CPSF6: variants seen among roughly 807,000 people sequenced by gnomAD.
The protein encoded by CPSF6 is cleavage and polyadenylation specificity factor subunit 6.
A neutral mutation model predicts 56.7 loss-of-function variants in CPSF6; 10 were observed. That is an observed-to-expected ratio of 0.18 (90% CI 0.11 to 0.30). The LOEUF (loss-of-function observed/expected upper bound fraction) is 0.30. Ranked by LOEUF, CPSF6 falls within the 10% of genes least tolerant of loss-of-function variation. The pLI, the probability that CPSF6 is intolerant of heterozygous loss-of-function variation, is 1.00. For synonymous variants in CPSF6, 248 were observed against 244.8 expected, an observed-to-expected ratio of 1.01 and a Z score of -0.12; for missense variants, 419 against 722.9, an observed-to-expected ratio of 0.58 and a Z score of 4.82.
intron 9 of CPSF6, among the ~76,000 whole-genome samples, chr12:69,268,720 C>T (rs1050094316): frequency 6.6e-5 from 10 of 151,670 alleles, no homozygotes; most frequent in African/African-American, 2.2e-4. Flanking sequence ...CTGAAGTTTG[C>T]ATATATATGT....
chr12:69,267,425 A>T (rs182431092), intron 9 of CPSF6, among the ~76,000 whole-genome samples: 9 of 152,100 alleles, frequency 5.9e-5, no homozygotes, highest in African/African-American at 1.9e-4. Context: ...TTGTTTTAAC[A>T]TCTGTTTACA....
At chr12:69,256,874 A>C (rs1158082578) in intron 4 of CPSF6, 32 bp downstream of exon 4, 2 of 1,559,384 alleles carry the variant, frequency 1.3e-6, no homozygotes, top group Non-Finnish European at 8.7e-7. Context: ...TTATTAAAAT[A>C]TGTACATTTT....
chr12:69,239,843 C>A, intron 1 of CPSF6, 137 bp downstream of exon 1: 1 of 721,210 alleles, frequency 1.4e-6, no homozygotes, highest in Non-Finnish European at 1.9e-6. Flanking sequence ...CGCCGCCGAC[C>A]CCTGGCGTGG....
intron 9 of CPSF6, among the ~76,000 whole-genome samples, chr12:69,266,407 T>A (rs1872986097): frequency 6.6e-6 from 1 of 152,196 alleles, no homozygotes. Context: ...GGATGTATAG[T>A]GTGTTTTGCT....
rs74985195 is a variant in CPSF6, at chr12:69,241,956, T to C, written c.60+2250T>C. 7.1e-3 allele frequency among the ~76,000 whole-genome samples: 1,080 copies of C among 151,858 alleles called. 21 individuals carry two copies. Among genetic ancestry groups the C allele is most frequent in the African/African-American group, 0.024 (1,008 of 41,416 alleles). The stretch of plus-strand genomic sequence containing the variant: ...AAAAAAAAAGGTCACAAAAGGATAG[T>C]TGGTTATTTTCAGAGCTTATCTTGT... On this transcript the variant is annotated intron_variant, in intron 1 of 9. Transcript: ENST00000435070.
chr12:69,245,913 CCT>C (rs1388258214), intron 1 of CPSF6, among the ~76,000 whole-genome samples: 15 of 152,106 alleles, frequency 9.9e-5, no homozygotes, highest in African/African-American at 2.9e-4. Flanking sequence ...TGGCGAAACC[CCT>C]GTCTCTACTA....
In CPSF6 at chr12:69,259,419, G is replaced by T; in HGVS notation, c.1200-9G>T. On this transcript the variant is annotated splice_polypyrimidine_tract_variant and intron_variant, in intron 6 of 9. Transcript: ENST00000435070. ...AGTATGAGTTAAGGTTTATGTTTTT[G>T]TTTTACAGGGAAATGGATACTGCAA... is the stretch of plus-strand genomic sequence containing the variant. The T allele has an allele frequency of 6.2e-7, 1 of 1,608,602 alleles. No individual in the cohort carries two copies. Among genetic ancestry groups the T allele is most frequent in the South Asian group, 1.1e-5 (1 of 90,086 alleles).
At chr12:69,259,280 TG>T (rs1453654407) in intron 6 of CPSF6, 147 bp from the exon 7 acceptor site, 104 of 1,274,772 alleles carry the variant, frequency 8.2e-5, no homozygotes, top group Admixed American at 1.1e-4. Context: ...TTCTCTTTGT[TG>T]GAAAAGTAGC....
At position 69,273,057 on chromosome 12, in the gene CPSF6, C is replaced by T. The variant is rs917783479; in HGVS notation, c.*3549C>T. ...CCTTACATATGGCATTCCTTGTGTT[C>T]GTAATGTGAGATTTTTGATTTAGAT... On this transcript the variant is annotated 3_prime_UTR_variant, in exon 10 of 10. Coordinates refer to ENST00000435070, the MANE Select transcript of CPSF6 (RefSeq NM_007007.3). The T allele has an allele frequency of 2.7e-5, 8 of 298,140 alleles. No individual in the cohort carries two copies. Among genetic ancestry groups the T allele is most frequent in the South Asian group, 1.7e-4 (5 of 30,234 alleles). The allele number at this position is 298,140 out of a possible 1,614,324, so 18.5% of individuals were successfully genotyped here.
intron 1 of CPSF6, among the ~76,000 whole-genome samples, chr12:69,247,068 ATACAG>A (rs1242602589): frequency 6.6e-6 from 1 of 152,248 alleles, no homozygotes; most frequent in African/African-American, 2.4e-5. Context: ...CAATAGTGGT[ATACAG>A]TATGTATCGT....
intron 1 of CPSF6, among the ~76,000 whole-genome samples, chr12:69,249,017 C>A (rs189894175): frequency 3.3e-5 from 5 of 151,812 alleles, no homozygotes; most frequent in African/African-American, 9.7e-5. Context: ...GAGGCCGAGG[C>A]GGGCGGATCA....
At chr12:69,252,083 C>G (rs12310259) in intron 2 of CPSF6, 1 of 454,706 alleles carries the variant, frequency 2.2e-6, no homozygotes, top group South Asian at 1.5e-5. Flanking sequence ...TTCTTTTTTT[C>G]AGGGGGAGAC....
rs1873362883 is a variant in CPSF6, at chr12:69,273,680, A to C, written c.*4172A>C. The C allele has an allele frequency of 6.6e-6, 1 of 152,082 alleles. No homozygotes were observed. The highest frequency in any genetic ancestry group is 6.5e-5 in the Admixed American group (1 of 15,282). 9.4% of individuals were successfully genotyped at this position (152,082 alleles called of 1,614,324 possible). On this transcript the variant is annotated 3_prime_UTR_variant, in exon 10 of 10. Coordinates refer to ENST00000435070, the MANE Select transcript of CPSF6 (RefSeq NM_007007.3). ...TAAGTTAAATTATTTTAAAATAACT[A>C]TGGTGAATTCATGTTTATTTTTTTA...
chr12:69,259,109 A>T lies in CPSF6; in HGVS notation c.1199+15A>T. On this transcript the variant is annotated intron_variant, in intron 6 of 9. Coordinates refer to ENST00000435070, the MANE Select transcript of CPSF6 (RefSeq NM_007007.3). ...CCCCCTGGAAGGTAAGTTAGTGTGTATCTGTGAAAGTACTTGATGATAAAA... is the reference window on the plus strand; with the variant it reads ...CCCCCTGGAAGGTAAGTTAGTGTGTTTCTGTGAAAGTACTTGATGATAAAA... The T allele has an allele frequency of 6.3e-7, 1 of 1,588,774 alleles. No individual in the cohort carries two copies. Among genetic ancestry groups the T allele is most frequent in the Non-Finnish European group, 8.5e-7 (1 of 1,173,292 alleles).
intron 9 of CPSF6, among the ~76,000 whole-genome samples, chr12:69,267,526 A>C (rs1360839688): frequency 6.6e-6 from 1 of 152,080 alleles, no homozygotes; most frequent in Admixed American, 6.5e-5. Context: ...GAAAACATGG[A>C]CGTTGAATGT....
rs1413179402 is a variant in CPSF6 at position 69,269,970 on chromosome 12, T to C, written c.*462T>C. On this transcript the variant is annotated 3_prime_UTR_variant, in exon 10 of 10. Transcript: ENST00000435070. ...GTGTAAAGCTGTTCAAGTTATTTGATGTTTACACCTCAGGGAAAGTCTTGT... is the reference window on the plus strand; with the variant it reads ...GTGTAAAGCTGTTCAAGTTATTTGACGTTTACACCTCAGGGAAAGTCTTGT... 6.5e-6 allele frequency: 1 copy of C among 152,846 alleles called. No individual in the cohort carries two copies. Among genetic ancestry groups the C allele is most frequent in the African/African-American group, 2.4e-5 (1 of 41,432 alleles). The allele number at this position is 152,846 out of a possible 1,614,324, so 9.5% of individuals were successfully genotyped here. A position where few individuals can be genotyped will look rare whatever the true frequency, so the allele number is the denominator to read the frequency against.
rs1272181695 is a variant in CPSF6 at position 69,271,939 on chromosome 12, G to A, written c.*2431G>A. The stretch of plus-strand genomic sequence containing the variant: ...ATTTTTTCCTTAGTTAATAACTGTA[G>A]TGGATGTGAAAACAAACGAGTTGAA... On this transcript the variant is annotated 3_prime_UTR_variant, in exon 10 of 10. Transcript: ENST00000435070. 6.6e-6 allele frequency: 1 copy of A among 151,638 alleles called. No individual in the cohort carries two copies. The highest frequency in any genetic ancestry group is 1.5e-5 in the Non-Finnish European group (1 of 67,638). 9.4% of individuals were successfully genotyped at this position (151,638 alleles called of 1,614,324 possible).
intron 1 of CPSF6, among the ~76,000 whole-genome samples, chr12:69,243,261 G>T (rs925406219): frequency 2.6e-5 from 4 of 152,132 alleles, no homozygotes; most frequent in Admixed American, 6.6e-5. Flanking sequence ...ACTTTCTGTG[G>T]TTTCAGTTAC....
intron 1 of CPSF6, among the ~76,000 whole-genome samples, chr12:69,241,434 A>G (rs1047066897): frequency 1.3e-5 from 2 of 152,252 alleles, no homozygotes; most frequent in East Asian, 1.9e-4. Flanking sequence ...TTGAGTGTTC[A>G]AGACTGCCTT....
Sources: gnomAD v4.1 joint callset for allele counts (sites outside exome capture counted in the v4.1 genomes callset) on GRCh38, gnomAD v4.1.1 for gene constraint, MANE v1.5 for transcripts, NCBI Gene and HGNC (gene_info 2026-07-23, HGNC 2026-07-21) for gene names.